Variants in FAXC observed in about 807,000 individuals in gnomAD.
FAXC encodes failed axon connections homolog.
Under a neutral mutation model 41.9 loss-of-function variants are expected in FAXC, and 10 were observed. That is an observed-to-expected ratio of 0.24 (90% CI 0.15 to 0.41). The LOEUF (loss-of-function observed/expected upper bound fraction) is 0.41. Ranked by LOEUF, FAXC falls within the 10% of genes least tolerant of loss-of-function variation. The pLI is 1.00. For missense variants in FAXC, 399 were observed against 510.9 expected (o/e 0.78, Z 2.11); for synonymous variants, 183 against 183.8 (o/e 1.00, Z 0.03).
In FAXC at chr6:99,300,408, C is replaced by T. The variant is rs74429214; in HGVS notation, c.824-8588G>A. ...GCAAATGCCTACTCAGGCTCACTTA[C>T]AATTTAGCATCACTAAACAGCTCCC... On this transcript the variant is annotated intron_variant, in intron 4 of 5. Transcript: ENST00000389677. Among the ~76,000 whole-genome samples, 264 of 152,336 alleles carry T rather than the reference C, an allele frequency of 1.7e-3. 3 individuals carry two copies. Among genetic ancestry groups the T allele is most frequent in the African/African-American group, 6.1e-3 (254 of 41,580 alleles).
chr6:99,342,402 T>C (rs6931525), intron 2 of FAXC, among the ~76,000 whole-genome samples: 1 of 151,364 alleles, frequency 6.6e-6, no homozygotes, highest in African/African-American at 2.4e-5. Context: ...TGGAGTACAG[T>C]GGTGCAATCT....
intron 3 of FAXC, among the ~76,000 whole-genome samples, chr6:99,325,882 G>A (rs1772783547): frequency 6.6e-6 from 1 of 152,220 alleles, no homozygotes; most frequent in African/African-American, 2.4e-5. Context: ...AAGCTGACGG[G>A]TTAGAAGGGG....
At chr6:99,288,486 T>C (rs1771105041) in intron 5 of FAXC, among the ~76,000 whole-genome samples, 1 of 152,162 alleles carries the variant, frequency 6.6e-6, no homozygotes, top group African/African-American at 2.4e-5. Context: ...CAGCCCTAAA[T>C]GAACTAAAAG....
chr6:99,319,835 C>G (rs1028890585), intron 4 of FAXC, among the ~76,000 whole-genome samples: 1 of 152,166 alleles, frequency 6.6e-6, no homozygotes, highest in Non-Finnish European at 1.5e-5. Flanking sequence ...TTGAGATACT[C>G]AAGAAAACTT....
chr6:99,285,177 T>G (rs1310631920), intron 5 of FAXC, among the ~76,000 whole-genome samples: 1 of 152,198 alleles, frequency 6.6e-6, no homozygotes, highest in Non-Finnish European at 1.5e-5. Context: ...GCATATCTCT[T>G]GGCCCAGGAT....
intron 2 of FAXC, among the ~76,000 whole-genome samples, chr6:99,338,463 G>C (rs1277131749): frequency 6.6e-6 from 1 of 152,164 alleles, no homozygotes; most frequent in East Asian, 1.9e-4. Context: ...AAAGGAAAGT[G>C]CAGAAAAGCC....
At chr6:99,311,602 CATACATAA>C (rs2128456651) in intron 4 of FAXC, among the ~76,000 whole-genome samples, 1 of 152,214 alleles carries the variant, frequency 6.6e-6, no homozygotes, top group East Asian at 1.9e-4. Context: ...TACATACATA[CATACATAA>C]ATAAAATCAT....
intron 5 of FAXC, among the ~76,000 whole-genome samples, chr6:99,284,646 C>G (rs994451288): frequency 8.6e-5 from 13 of 151,866 alleles, no homozygotes; most frequent in African/African-American, 2.9e-4. Flanking sequence ...GGCACACTGG[C>G]TCATGCCTGT....
rs181866203 is a variant in FAXC at position 99,348,918 on chromosome 6, C to G, written c.266+189G>C. On this transcript the variant is annotated intron_variant, in intron 1 of 5. Coordinates refer to ENST00000389677, the MANE Select transcript of FAXC (RefSeq NM_032511.4). ...TTTCCCTCCCAGCACCGGTTTAATT[C>G]TCCTTTCAACTCTAAACTGCCCCTC... 3.7e-4 allele frequency among the ~76,000 whole-genome samples: 57 copies of G among 152,306 alleles called. No homozygotes were observed. The East Asian group carries it at 9.8e-3, about 26-fold the overall frequency.
chr6:99,288,567 C>T lies in FAXC; in HGVS notation c.940+3137G>A, dbSNP rs221545. Among the ~76,000 whole-genome samples, 1,009 of 152,250 alleles carry T rather than the reference C, an allele frequency of 6.6e-3. 8 individuals are homozygous for T. Among genetic ancestry groups the T allele is most frequent in the African/African-American group, 0.024 (989 of 41,532 alleles). On this transcript the variant is annotated intron_variant, in intron 5 of 5. Coordinates refer to ENST00000389677, the MANE Select transcript of FAXC (RefSeq NM_032511.4). ...AGGGAAACTAATATTTTAAATGCCA[C>T]GAACCTCACCAATGTGATAACATAT...
chr6:99,309,485 A>G (rs919538986), intron 4 of FAXC, among the ~76,000 whole-genome samples: 6 of 152,236 alleles, frequency 3.9e-5, no homozygotes, highest in Non-Finnish European at 8.8e-5. Flanking sequence ...ACATAGTTTT[A>G]CCAATTCAGA....
At chr6:99,336,021 C>T (rs138456089) in intron 2 of FAXC, among the ~76,000 whole-genome samples, 5 of 152,058 alleles carry the variant, frequency 3.3e-5, no homozygotes, top group East Asian at 1.9e-4. Context: ...GGTGAGATGC[C>T]GGTGATCTTT....
At position 99,278,121 on chromosome 6, in the gene FAXC, T is replaced by A. The variant is rs1380386179; in HGVS notation, c.*3043A>T. 1 of 152,228 alleles carries A rather than the reference T, an allele frequency of 6.6e-6. No homozygotes were observed. The highest frequency in any genetic ancestry group is 1.5e-5 in the Non-Finnish European group (1 of 68,046). 9.4% of individuals were successfully genotyped at this position (152,228 alleles called of 1,614,324 possible). A position where few individuals can be genotyped will look rare whatever the true frequency, so the allele number is the denominator to read the frequency against. On this transcript the variant is annotated 3_prime_UTR_variant, in exon 6 of 6. Transcript: ENST00000389677. ...TGTTCCAGGTCCGTGATTAGTCTCCTGGGTAGCCCACAGCCTTGGTAGTGT... is the reference window on the plus strand; with the variant it reads ...TGTTCCAGGTCCGTGATTAGTCTCCAGGGTAGCCCACAGCCTTGGTAGTGT...
In FAXC at chr6:99,349,337, C is replaced by T. The variant is rs549555020; in HGVS notation, c.36G>A (p.Pro12=). Residue 12 remains proline, a synonymous_variant, in exon 1 of 6, where the codon CCG becomes CCA. Coordinates refer to ENST00000389677, the MANE Select transcript of FAXC (RefSeq NM_032511.4). ...GGTTCCAGCTCAGATCCACCACGCACGGCCTGGACGAAGCAAAGCCAACCC... is the reference window on the plus strand; with the variant it reads ...GGTTCCAGCTCAGATCCACCACGCATGGCCTGGACGAAGCAAAGCCAACCC... The part of the protein sequence containing the change: ...HWGVGFASSR[P]CVVDLSWNQS... 1.2e-6 allele frequency: 2 copies of T among 1,612,746 alleles called. No homozygotes were observed. The highest frequency in any genetic ancestry group is 1.1e-5 in the South Asian group (1 of 91,090).
At position 99,308,173 on chromosome 6, in the gene FAXC, T is replaced by C. The variant is rs538810588; in HGVS notation, c.823+15271A>G. On this transcript the variant is annotated intron_variant, in intron 4 of 5. Transcript: ENST00000389677. ...TTACCCAGGCATGGTGGCAGGTGCC[T>C]GTAATCCCATCTACTTGGGAGGCTG... Among the ~76,000 whole-genome samples, 4 of 152,312 alleles carry C rather than the reference T, an allele frequency of 2.6e-5. No individual in the cohort carries two copies. The South Asian group carries it at 8.3e-4, about 32-fold the overall frequency.
At chr6:99,306,917 A>G (rs1771943587) in intron 4 of FAXC, among the ~76,000 whole-genome samples, 1 of 152,206 alleles carries the variant, frequency 6.6e-6, no homozygotes, top group Admixed American at 6.5e-5. Context: ...GGATCACCTG[A>G]AACTACAAGA....
At chr6:99,301,197 G>A (rs1032640914) in intron 4 of FAXC, among the ~76,000 whole-genome samples, 4 of 152,180 alleles carry the variant, frequency 2.6e-5, no homozygotes, top group African/African-American at 9.7e-5. Context: ...AATTGTGTTC[G>A]ACCTTATATT....
intron 5 of FAXC, among the ~76,000 whole-genome samples, chr6:99,286,138 G>A (rs1208438303): frequency 6.6e-6 from 1 of 152,182 alleles, no homozygotes; most frequent in Non-Finnish European, 1.5e-5. Flanking sequence ...TCCATGCTAG[G>A]CGCTGACTAC....
rs961109566 is a variant in FAXC at position 99,279,064 on chromosome 6, T to C, written c.*2100A>G. The C allele has an allele frequency of 6.6e-6, 1 of 152,138 alleles. No individual in the cohort carries two copies. Among genetic ancestry groups the C allele is most frequent in the Non-Finnish European group, 1.5e-5 (1 of 68,022 alleles). The allele number at this position is 152,138 out of a possible 1,614,324, so 9.4% of individuals were successfully genotyped here. A position where few individuals can be genotyped will look rare whatever the true frequency, so the allele number is the denominator to read the frequency against. ...GACAGGTCTGCAGTCCACCTGTTCA[T>C]TATATTCATATTTTCAGTCCAGGAG... On this transcript the variant is annotated 3_prime_UTR_variant, in exon 6 of 6. Coordinates refer to ENST00000389677, the MANE Select transcript of FAXC (RefSeq NM_032511.4).
Sources: allele counts gnomAD v4.1 joint callset (sites outside exome capture counted in the v4.1 genomes callset), GRCh38; gene constraint gnomAD v4.1.1; transcripts MANE v1.5; gene names NCBI Gene and HGNC (gene_info 2026-07-23, HGNC 2026-07-21).